FAF1: variants seen among roughly 807,000 people sequenced by gnomAD.
The protein encoded by FAF1 is Fas associated factor 1, also known as FAS-associated factor 1.
In FAF1, 25 loss-of-function variants were observed where a neutral mutation model predicts 92.5. The ratio of observed to expected loss-of-function variants is 0.27; its 90% CI spans 0.20 to 0.38. FAF1 has a LOEUF of 0.38. FAF1 is among the 10% of genes least tolerant of loss of function. The pLI is 1.00. For synonymous variants in FAF1, 234 were observed against 273.2 expected (o/e 0.86, Z 1.42); for missense variants, 636 against 793.3 (o/e 0.80, Z 2.38).
At chr1:50,737,006 G>C (rs962998696) in intron 6 of FAF1, among the ~76,000 whole-genome samples, 2 of 152,116 alleles carry the variant, frequency 1.3e-5, no homozygotes, top group African/African-American at 4.8e-5. Flanking sequence ...TAAGTTATGT[G>C]TTAATAAAAA....
intron 2 of FAF1, among the ~76,000 whole-genome samples, chr1:50,837,497 A>T (rs1644219097): frequency 6.6e-6 from 1 of 152,206 alleles, no homozygotes; most frequent in Non-Finnish European, 1.5e-5. Flanking sequence ...ATACTACATA[A>T]GGGATTTCTT....
intron 1 of FAF1, among the ~76,000 whole-genome samples, chr1:50,959,163 G>C (rs1467427326): frequency 6.6e-6 from 1 of 152,168 alleles, no homozygotes; most frequent in Non-Finnish European, 1.5e-5. Flanking sequence ...TTAAGCTTGT[G>C]AATTCATTGC....
At chr1:50,939,535 G>A (rs568889460) in intron 1 of FAF1, among the ~76,000 whole-genome samples, 106 of 152,278 alleles carry the variant, frequency 7.0e-4, no homozygotes, top group Non-Finnish European at 1.2e-3. Context: ...CTCTGGCTAG[G>A]ACTATGTACT....
At chr1:50,757,312 G>A (rs1660115628) in intron 4 of FAF1, among the ~76,000 whole-genome samples, 1 of 152,146 alleles carries the variant, frequency 6.6e-6, no homozygotes, top group African/African-American at 2.4e-5. Context: ...AATGAGACAG[G>A]AGTGTTATAA....
chr1:50,640,504 C>T (rs1654273557), intron 8 of FAF1, among the ~76,000 whole-genome samples: 1 of 151,974 alleles, frequency 6.6e-6, no homozygotes. Context: ...CCGTGTTAGC[C>T]AGGATGGTCT....
At chr1:50,842,581 C>T (rs931036931) in intron 2 of FAF1, among the ~76,000 whole-genome samples, 1 of 152,032 alleles carries the variant, frequency 6.6e-6, no homozygotes, top group African/African-American at 2.4e-5. Flanking sequence ...TCTAGGCACA[C>T]TCCTTTGCTC....
intron 18 of FAF1, chr1:50,452,003 T>C: frequency 3.2e-6 from 4 of 1,237,812 alleles, no homozygotes; most frequent in Non-Finnish European, 4.1e-6. Flanking sequence ...TTGGTCACTA[T>C]ACTATTAAAT....
intron 12 of FAF1, among the ~76,000 whole-genome samples, chr1:50,570,527 T>C (rs1447783559): frequency 6.6e-6 from 1 of 151,560 alleles, no homozygotes; most frequent in Non-Finnish European, 1.5e-5. Context: ...GAAAACACAC[T>C]TAAAAAAAAA....
In FAF1 at chr1:50,937,195, T is replaced by C. The variant is rs1570161524; in HGVS notation, c.45+22572A>G. On this transcript the variant is annotated intron_variant, in intron 1 of 18. Transcript: ENST00000396153. ...ATTACTATTAATTGTGCATTAATAA[T>C]AATACAATGTGCACAACTAGGTGAA... Among the ~76,000 whole-genome samples, 3 of 152,244 alleles carry C rather than the reference T, an allele frequency of 2.0e-5. No homozygotes were observed. The East Asian group carries it at 5.8e-4, about 29-fold the overall frequency.
chr1:50,938,605 T>C lies in FAF1; in HGVS notation c.45+21162A>G, dbSNP rs539870185. 6.6e-4 allele frequency among the ~76,000 whole-genome samples: 100 copies of C among 152,224 alleles called. 1 individual carries two copies. The highest frequency in any genetic ancestry group is 1.1e-3 in the Non-Finnish European group (74 of 68,034). On this transcript the variant is annotated intron_variant, in intron 1 of 18. Coordinates refer to ENST00000396153, the MANE Select transcript of FAF1 (RefSeq NM_007051.3). ...ATCATGTCCCACTTGTCAATTTTTGTTTTGGTTGCAATTACTTTTGGGGAC... is the reference window on the plus strand; with the variant it reads ...ATCATGTCCCACTTGTCAATTTTTGCTTTGGTTGCAATTACTTTTGGGGAC...
rs1654747127 is a variant in FAF1 at position 50,649,203 on chromosome 1, T to C, written c.744+6239A>G. On this transcript the variant is annotated intron_variant, in intron 8 of 18. Coordinates refer to ENST00000396153, the MANE Select transcript of FAF1 (RefSeq NM_007051.3). ...AGAGTTTTGCTCTTGTTGCCCAGGCTGGAGTGCAATGGCGCAATCTCTCAC... is the reference window on the plus strand; with the variant it reads ...AGAGTTTTGCTCTTGTTGCCCAGGCCGGAGTGCAATGGCGCAATCTCTCAC... 2.6e-5 allele frequency among the ~76,000 whole-genome samples: 4 copies of C among 152,124 alleles called. No homozygotes were observed. In the South Asian group the frequency reaches 8.3e-4, roughly 32 times the overall value.
At chr1:50,768,436 C>T (rs1289865166) in intron 4 of FAF1, among the ~76,000 whole-genome samples, 2 of 151,942 alleles carry the variant, frequency 1.3e-5, no homozygotes, top group Non-Finnish European at 2.9e-5. Context: ...CCAAAAGAAC[C>T]TGACAGATAT....
intron 8 of FAF1, among the ~76,000 whole-genome samples, chr1:50,620,423 T>G (rs986654277): frequency 2.0e-5 from 3 of 152,236 alleles, no homozygotes; most frequent in African/African-American, 7.2e-5. Context: ...AGTTTGGTTC[T>G]TTCTTAAAAT....
At chr1:50,733,521 C>T (rs10127531) in intron 6 of FAF1, among the ~76,000 whole-genome samples, 71,649 of 152,062 alleles carry the variant, frequency 0.47, 19,133 homozygotes, top group African/African-American at 0.72. Flanking sequence ...CTTCAGGATA[C>T]AATTCAGGTT....
rs61519690 is a variant in FAF1 at position 50,455,825 on chromosome 1, TA to T, written c.1870-14303del. Among the ~76,000 whole-genome samples the T allele has an allele frequency of 9.1e-3, 1,386 of 152,198 alleles. 19 individuals are homozygous for T. The highest frequency in any genetic ancestry group is 0.032 in the African/African-American group (1,334 of 41,498). ...TTCTTCTCACTTTTGTTTTTTTGATTAAAAAAATTTTGGGGGCCAGGTGCAT... is the reference window on the plus strand; with the variant it reads ...TTCTTCTCACTTTTGTTTTTTTGATTAAAAAATTTTGGGGGCCAGGTGCAT... On this transcript the variant is annotated intron_variant, in intron 18 of 18. Transcript: ENST00000396153.
chr1:50,781,138 CGG>C (rs138793023), intron 4 of FAF1: 5,039 of 276,972 alleles, frequency 0.018, 260 homozygotes, highest in African/African-American at 0.11. Flanking sequence ...AATACTCCTC[CGG>C]GTGCCCCGGT....
At chr1:50,858,641 T>C (rs1394796527) in intron 1 of FAF1, among the ~76,000 whole-genome samples, 2 of 151,896 alleles carry the variant, frequency 1.3e-5, no homozygotes, top group African/African-American at 4.8e-5. Flanking sequence ...TTTGACATAC[T>C]AGCTTAAATA....
At chr1:50,723,480 A>G (rs1158264963) in intron 6 of FAF1, among the ~76,000 whole-genome samples, 1 of 152,150 alleles carries the variant, frequency 6.6e-6, no homozygotes, top group Non-Finnish European at 1.5e-5. Context: ...GTCTCACAAC[A>G]GTTCTACTAT....
At chr1:50,882,248 T>G (rs994268508) in intron 1 of FAF1, among the ~76,000 whole-genome samples, 2 of 152,060 alleles carry the variant, frequency 1.3e-5, no homozygotes, top group Non-Finnish European at 2.9e-5. Context: ...ACAAGAATGG[T>G]AAATGTACAT....
Sources: allele counts gnomAD v4.1 joint callset (sites outside exome capture counted in the v4.1 genomes callset), GRCh38; gene constraint gnomAD v4.1.1; transcripts MANE v1.5; gene names NCBI Gene and HGNC (gene_info 2026-07-23, HGNC 2026-07-21).